Variants in JAKMIP2 observed in about 807,000 individuals in gnomAD.
JAKMIP2 encodes the protein janus kinase and microtubule-interacting protein 2.
Under a neutral mutation model 115.0 loss-of-function variants are expected in JAKMIP2, and 25 were observed. That is an observed-to-expected ratio of 0.22 (90% CI 0.16 to 0.30). The LOEUF (loss-of-function observed/expected upper bound fraction) is 0.30. JAKMIP2 is among the 10% of genes least tolerant of loss of function. The probability of loss-of-function intolerance (pLI) is 1.00; values close to 1 mark genes in which losing one functional copy is unlikely to be tolerated. For synonymous variants in JAKMIP2, 334 were observed against 343.6 expected (o/e 0.97, Z 0.31); for missense variants, 642 against 957.6 (o/e 0.67, Z 4.35).
At chr5:147,659,324 C>T (rs1758840772) in intron 3 of JAKMIP2, among the ~76,000 whole-genome samples, 1 of 152,168 alleles carries the variant, frequency 6.6e-6, no homozygotes, top group African/African-American at 2.4e-5. Context: ...CATGAAGCGA[C>T]GCCCCACCCT....
chr5:147,600,940 A>G (rs1259820950), intron 21 of JAKMIP2, among the ~76,000 whole-genome samples: 1 of 152,154 alleles, frequency 6.6e-6, no homozygotes, highest in Non-Finnish European at 1.5e-5. Flanking sequence ...CTTGAGTTTT[A>G]ATGAACTCCC....
intron 5 of JAKMIP2, among the ~76,000 whole-genome samples, chr5:147,647,531 G>A (rs1202765049): frequency 6.6e-6 from 1 of 152,040 alleles, no homozygotes; most frequent in East Asian, 1.9e-4. Flanking sequence ...TGGGCAAAAG[G>A]CTAAGGACAA....
intron 1 of JAKMIP2, among the ~76,000 whole-genome samples, chr5:147,731,657 A>T (rs1397736090): frequency 2.0e-5 from 3 of 152,156 alleles, no homozygotes. Context: ...ATTAATCGTC[A>T]TGTTTACCCA....
At chr5:147,656,840 T>G (rs941009958) in intron 3 of JAKMIP2, among the ~76,000 whole-genome samples, 1 of 152,238 alleles carries the variant, frequency 6.6e-6, no homozygotes. Flanking sequence ...TTTCTTTCTA[T>G]ATTTAGTGCT....
intron 2 of JAKMIP2, among the ~76,000 whole-genome samples, chr5:147,662,284 A>C (rs1315857417): frequency 1.3e-5 from 2 of 151,984 alleles, no homozygotes; most frequent in Non-Finnish European, 2.9e-5. Context: ...TGTGCCATGA[A>C]TGTCTCTTTG....
intron 1 of JAKMIP2, among the ~76,000 whole-genome samples, chr5:147,740,543 C>T (rs1754104704): frequency 6.6e-6 from 1 of 152,188 alleles, no homozygotes; most frequent in Non-Finnish European, 1.5e-5. Flanking sequence ...CCCTACAACC[C>T]AAGGGCCTTC....
intron 20 of JAKMIP2, among the ~76,000 whole-genome samples, chr5:147,606,341 T>C (rs1756012828): frequency 6.6e-6 from 1 of 152,222 alleles, no homozygotes; most frequent in African/African-American, 2.4e-5. Context: ...CTTTAATCCA[T>C]CTTGAGTTAA....
chr5:147,713,061 T>A (rs974906908), intron 1 of JAKMIP2, among the ~76,000 whole-genome samples: 1 of 152,168 alleles, frequency 6.6e-6, no homozygotes, highest in Non-Finnish European at 1.5e-5. Context: ...ATAAGCCACA[T>A]CCTGAATATT....
intron 1 of JAKMIP2, among the ~76,000 whole-genome samples, chr5:147,691,344 TC>T (rs1751842621): frequency 2.0e-5 from 3 of 152,234 alleles, no homozygotes; most frequent in Admixed American, 1.3e-4. Flanking sequence ...ATTAATAGTT[TC>T]CCCCCATCCC....
At chr5:147,660,384 T>A (rs1258472193) in intron 3 of JAKMIP2, 1 of 430,978 alleles carries the variant, frequency 2.3e-6, no homozygotes, top group African/African-American at 2.0e-5. Context: ...AAATGACTCC[T>A]GTATACTTTG....
chr5:147,604,435 G>A (rs1755886581), intron 20 of JAKMIP2, among the ~76,000 whole-genome samples: 1 of 152,156 alleles, frequency 6.6e-6, no homozygotes, highest in Non-Finnish European at 1.5e-5. Context: ...GGCTTAGACA[G>A]AGGAGGTGAA....
At position 147,589,680 on chromosome 5, in the gene JAKMIP2, A is replaced by G. The variant is rs2126538902; in HGVS notation, c.*2027T>C. ...GGGAGATGCTTATCATAGAAATGAC[A>G]CACTCTTCTATCTTGTTCAATAGCA... On this transcript the variant is annotated 3_prime_UTR_variant, in exon 22 of 22. Coordinates refer to ENST00000616793, the MANE Select transcript of JAKMIP2 (RefSeq NM_001270941.2). The G allele has an allele frequency of 6.6e-6, 1 of 152,296 alleles. No homozygotes were observed. Among genetic ancestry groups the G allele is most frequent in the East Asian group, 1.9e-4 (1 of 5,180 alleles). 9.4% of individuals were successfully genotyped at this position (152,296 alleles called of 1,614,324 possible).
chr5:147,619,273 C>A (rs979963272), intron 18 of JAKMIP2, among the ~76,000 whole-genome samples: 18 of 151,608 alleles, frequency 1.2e-4, no homozygotes, highest in African/African-American at 4.4e-4. Context: ...AGTCTCGGGA[C>A]CCACATAAAC....
chr5:147,749,012 C>A (rs1187309236), intron 1 of JAKMIP2, among the ~76,000 whole-genome samples: 2 of 152,160 alleles, frequency 1.3e-5, no homozygotes, highest in Non-Finnish European at 2.9e-5. Flanking sequence ...GACAACGAAC[C>A]TCGGTTATTA....
intron 16 of JAKMIP2, 29 bp downstream of exon 16, chr5:147,628,722 T>C: frequency 6.3e-7 from 1 of 1,580,392 alleles, no homozygotes; most frequent in Non-Finnish European, 8.7e-7. Context: ...GACACCGAGA[T>C]GATTTGAAAT....
chr5:147,640,086 A>G (rs562929477), intron 9 of JAKMIP2, among the ~76,000 whole-genome samples: 1 of 152,316 alleles, frequency 6.6e-6, no homozygotes, highest in Non-Finnish European at 1.5e-5. Flanking sequence ...TTTTGGACCT[A>G]AATTTGAGGA....
chr5:147,607,095 A>C (rs1011293111), intron 20 of JAKMIP2, among the ~76,000 whole-genome samples: 6 of 152,092 alleles, frequency 3.9e-5, no homozygotes, highest in Non-Finnish European at 8.8e-5. Flanking sequence ...GGGTTTTCTA[A>C]ATATACAATC....
At chr5:147,744,288 CA>C (rs1158238501) in intron 1 of JAKMIP2, among the ~76,000 whole-genome samples, 2 of 152,086 alleles carry the variant, frequency 1.3e-5, no homozygotes, top group Admixed American at 6.6e-5. Flanking sequence ...TTAATGATGA[CA>C]GGGGGCACTA....
chr5:147,638,553 T>A (rs1467234380), intron 10 of JAKMIP2, among the ~76,000 whole-genome samples: 1 of 152,212 alleles, frequency 6.6e-6, no homozygotes, highest in East Asian at 1.9e-4. Flanking sequence ...TATTTACTTA[T>A]ATATGTGTGT....
Sources: gnomAD v4.1 joint callset for allele counts (sites outside exome capture counted in the v4.1 genomes callset) on GRCh38, gnomAD v4.1.1 for gene constraint, MANE v1.5 for transcripts, NCBI Gene and HGNC (gene_info 2026-07-23, HGNC 2026-07-21) for gene names.